SMIM7: variants seen among roughly 807,000 people sequenced by gnomAD.
SMIM7 encodes the protein small integral membrane protein 7.
A neutral mutation model predicts 13.3 loss-of-function variants in SMIM7; 12 were observed. The ratio of observed to expected loss-of-function variants is 0.90; its 90% CI spans 0.58 to 1.46. The LOEUF is 1.46. SMIM7 is among the 40% of genes most tolerant of loss of function. SMIM7 has a pLI of 0.00. For missense variants in SMIM7, 114 were observed against 94.8 expected, an observed-to-expected ratio of 1.20 and a Z score of -0.84; for synonymous variants, 36 against 35.8, an observed-to-expected ratio of 1.01 and a Z score of -0.02.
chr19:16,645,976 C>G (rs1296861806), downstream of SMIM7: 5 of 152,074 alleles, frequency 3.3e-5, no homozygotes, highest in Non-Finnish European at 1.5e-5. Context: ...TTGCCCAATT[C>G]TTGACCATCA....
chr19:16,633,625 G>T (rs1436278697), intron 4 of SMIM7, among the ~76,000 whole-genome samples: 1 of 152,000 alleles, frequency 6.6e-6, no homozygotes, highest in East Asian at 1.9e-4. Flanking sequence ...CCTAACTACT[G>T]GGAGGCTGAG....
In SMIM7 at chr19:16,659,945, C is replaced by T. The variant is rs903062338; in HGVS notation, c.68+14G>A. 9 of 1,606,866 alleles carry T rather than the reference C, an allele frequency of 5.6e-6. No homozygotes were observed. The highest frequency in any genetic ancestry group is 7.6e-6 in the Non-Finnish European group (9 of 1,177,670). ...TCCCCGGATGGAGCCGCAGTCCGGC[C>T]GCGACCTACTCACAGCTTAAAGTTC... On this transcript the variant is annotated intron_variant, in intron 2 of 4. Transcript: ENST00000487416.
chr19:16,650,182 A>C (rs931860615), intron 4 of SMIM7, among the ~76,000 whole-genome samples: 1 of 152,196 alleles, frequency 6.6e-6, no homozygotes, highest in African/African-American at 2.4e-5. Context: ...TGAAAATTTC[A>C]ACACACAGAA....
intron 2 of SMIM7, 145 bp downstream of exon 2, chr19:16,659,814 C>T: frequency 9.2e-7 from 1 of 1,084,352 alleles, no homozygotes. Context: ...GGAAGATAAA[C>T]CAGGCTGGAG....
rs200001062 is a variant in SMIM7 at position 16,654,125 on chromosome 19, C to T, written c.122G>A (p.Gly41Asp). The stretch of plus-strand genomic sequence containing the variant: ...CAGCAAGAATTCCCGGATGTTGTCA[C>T]CTGGAAGAATCAGAAAGCACTTTTA... ...FGEESREPST[G>D]DNIREFLLSL... is the part of the protein sequence containing the mutation. The change falls in exon 4 of 5, where the codon GGT (glycine) becomes GAT (aspartate). Residue 41 changes from glycine (G) to aspartate (D), a missense_variant and splice_region_variant. Coordinates refer to ENST00000487416, the MANE Select transcript of SMIM7 (RefSeq NM_024104.4). The T allele has an allele frequency of 2.9e-4, 468 of 1,613,686 alleles. No homozygotes were observed. Among genetic ancestry groups the T allele is most frequent in the Non-Finnish European group, 3.8e-4 (450 of 1,179,788 alleles).
Position 16,660,116 on chromosome 19 carries a change from C to G in SMIM7, c.-6G>C, listed in dbSNP as rs746258238. 33 of 1,613,990 alleles carry G rather than the reference C, an allele frequency of 2.0e-5. No individual in the cohort carries two copies. The highest frequency in any genetic ancestry group is 1.7e-6 in the Non-Finnish European group (2 of 1,180,028). ...AGCAGGATGTCTCCGATCATCGTTA[C>G]GGCCGAAGCGTCCGTCAGAACCGGA... On this transcript the variant is annotated 5_prime_UTR_variant, in exon 1 of 5. Coordinates refer to ENST00000487416, the MANE Select transcript of SMIM7 (RefSeq NM_024104.4).
intron 3 of SMIM7, among the ~76,000 whole-genome samples, chr19:16,655,680 CAAAAAAAA>C (rs869256040): frequency 7.8e-5 from 3 of 38,514 alleles, no homozygotes; most frequent in Non-Finnish European, 1.0e-4. Context: ...GACTCCATCT[CAAAAAAAA>C]AAAAAAAAAA....
intron 3 of SMIM7, 91 bp downstream of exon 3, chr19:16,659,304 A>AAT: frequency 2.0e-6 from 2 of 1,003,620 alleles, no homozygotes; most frequent in Non-Finnish European, 1.5e-6. Context: ...AAAAAAAAAA[A>AAT]GAGAAAGAAA....
At chr19:16,635,640 G>A (rs985543619) in intron 4 of SMIM7, among the ~76,000 whole-genome samples, 1 of 151,964 alleles carries the variant, frequency 6.6e-6, no homozygotes, top group Non-Finnish European at 1.5e-5. Context: ...TCAGCACTTT[G>A]AGAGGCCGAG....
At chr19:16,654,378 G>A (rs2086569756) in intron 3 of SMIM7, among the ~76,000 whole-genome samples, 1 of 152,112 alleles carries the variant, frequency 6.6e-6, no homozygotes, top group African/African-American at 2.4e-5. Context: ...ACCCAAGTCT[G>A]TCCAATGAGA....
chr19:16,651,426 C>A lies in SMIM7; in HGVS notation c.212+2609G>T, dbSNP rs182763230. Among the ~76,000 whole-genome samples, 32 of 152,284 alleles carry A rather than the reference C, an allele frequency of 2.1e-4. No homozygotes were observed. In the East Asian group the frequency reaches 5.0e-3, roughly 24 times the overall value. On this transcript the variant is annotated intron_variant, in intron 4 of 4. Transcript: ENST00000487416. ...TAAGTGGTTATGGCAGAATCAAGAA[C>A]CCCCACCCCAAATGGACCAGAGTGA...
At chr19:16,657,754 G>A (rs1459707820) in intron 3 of SMIM7, among the ~76,000 whole-genome samples, 1 of 152,232 alleles carries the variant, frequency 6.6e-6, no homozygotes, top group Non-Finnish European at 1.5e-5. Flanking sequence ...AGCTCGGCCA[G>A]GCGTGGTAGC....
At chr19:16,632,232 G>C (rs1410104935) in intron 4 of SMIM7, among the ~76,000 whole-genome samples, 4 of 152,082 alleles carry the variant, frequency 2.6e-5, no homozygotes, top group African/African-American at 9.7e-5. Context: ...AGTTATCTCA[G>C]AAGTACCTAG....
At chr19:16,651,772 T>C (rs2086529691) in intron 4 of SMIM7, among the ~76,000 whole-genome samples, 1 of 144,980 alleles carries the variant, frequency 6.9e-6, no homozygotes, top group African/African-American at 2.6e-5. Flanking sequence ...GCATGCTGAC[T>C]TCTTCCCTGC....
rs2086642330 is a variant in SMIM7, at chr19:16,659,451, CAA to C, written c.69-6_69-5del. On this transcript the variant is annotated splice_polypyrimidine_tract_variant and splice_region_variant and intron_variant, in intron 2 of 4. Transcript: ENST00000487416. ...GCCCTGCGTGTCCTTCTTTTTCCTA[CAA>C]AGAGGAGCAGACAGTGTCCACTTTC... 6.2e-7 allele frequency: 1 copy of C among 1,612,384 alleles called. No homozygotes were observed. Among genetic ancestry groups the C allele is most frequent in the Non-Finnish European group, 8.5e-7 (1 of 1,179,444 alleles).
chr19:16,655,311 A>G, intron 3 of SMIM7: 1 of 456,166 alleles, frequency 2.2e-6, no homozygotes, highest in South Asian at 1.5e-5. Context: ...GACTCCAGAG[A>G]CCTGGGTTCT....
intron 4 of SMIM7, chr19:16,652,849 G>A (rs765852616): frequency 4.9e-5 from 76 of 1,550,132 alleles, no homozygotes; most frequent in Non-Finnish European, 5.4e-5. Flanking sequence ...AGATTCTCCC[G>A]TCGTGTCTTT....
chr19:16,632,490 C>G (rs963379493), intron 4 of SMIM7, among the ~76,000 whole-genome samples: 7 of 151,286 alleles, frequency 4.6e-5, no homozygotes, highest in Non-Finnish European at 7.4e-5. Context: ...ACAAACACAA[C>G]ACGGCTGGGA....
chr19:16,653,059 G>A, intron 4 of SMIM7: 1 of 1,378,584 alleles, frequency 7.3e-7, no homozygotes, highest in Admixed American at 2.3e-5. Flanking sequence ...GCAGTGTGCT[G>A]GACATTTAAA....
Sources: allele counts gnomAD v4.1 joint callset (sites outside exome capture counted in the v4.1 genomes callset), GRCh38; gene constraint gnomAD v4.1.1; transcripts MANE v1.5; gene names NCBI Gene and HGNC (gene_info 2026-07-23, HGNC 2026-07-21).